The following IBA57 variants were observed in gnomAD, a reference collection of about 807,000 sequenced individuals.
IBA57 encodes the protein iron-sulfur cluster assembly factor IBA57.
Under a neutral mutation model 20.4 loss-of-function variants are expected in IBA57, and 20 were observed. That is an observed-to-expected ratio of 0.98 (90% CI 0.69 to 1.42). IBA57 has a LOEUF of 1.42. IBA57 is among the 40% of genes most tolerant of loss of function. The pLI is 0.00. For synonymous variants in IBA57, 310 were observed against 233.9 expected, an observed-to-expected ratio of 1.33 and a Z score of -2.97; for missense variants, 608 against 499.3, an observed-to-expected ratio of 1.22 and a Z score of -2.07.
In IBA57 at chr1:228,166,170, TG is replaced by T; in HGVS notation, c.341+16del. On this transcript the variant is annotated intron_variant, in intron 1 of 2. Transcript: ENST00000366711. ...TCATCTTGTACGGGTGAGCGCGTGC[TG>T]GGAGGGCGCTCGGGGGCGGGCACCC... The T allele has an allele frequency of 7.3e-7, 1 of 1,374,734 alleles. No individual in the cohort carries two copies. 85.2% of individuals were successfully genotyped at this position (1,374,734 alleles called of 1,614,324 possible).
At position 228,175,190 on chromosome 1, in the gene IBA57, A is replaced by G. The variant is rs370640121; in HGVS notation, c.748A>G (p.Met250Val). ...ALPLESNLAF[M>V]NGVSFTKGCY... ...GCCCCTGGAGTCCAACCTGGCCTTC[A>G]TGAACGGCGTGAGCTTCACCAAAGG... Residue 250 changes from methionine (M) to valine (V), a missense_variant, in exon 3 of 3, where the codon ATG becomes GTG. Physicochemically the swap from Met to Val is conservative, Grantham distance 21. Transcript: ENST00000366711. The G allele has an allele frequency of 6.0e-5, 97 of 1,612,622 alleles. No homozygotes were observed. Among genetic ancestry groups the G allele is most frequent in the Non-Finnish European group, 7.9e-5 (93 of 1,179,928 alleles).
intron 1 of IBA57, chr1:228,172,559 C>G (rs2124975041): frequency 6.6e-6 from 1 of 152,430 alleles, no homozygotes; most frequent in South Asian, 2.1e-4. Flanking sequence ...CACCTTGATT[C>G]TCCCTTTCTG....
intron 1 of IBA57, among the ~76,000 whole-genome samples, chr1:228,168,310 A>G (rs1364483194): frequency 6.6e-6 from 1 of 152,230 alleles, no homozygotes; most frequent in Non-Finnish European, 1.5e-5. Flanking sequence ...CATAAAACAT[A>G]AAAAATATGT....
In IBA57 at chr1:228,176,691, G is replaced by C. The variant is rs2035028252; in HGVS notation, c.*1178G>C. ...GGCCACAGAGGGCCAAGCAGGCAGG[G>C]AGCCTGTGCCGCCATCCTGGGGGGC... On this transcript the variant is annotated 3_prime_UTR_variant, in exon 3 of 3. Coordinates refer to ENST00000366711, the MANE Select transcript of IBA57 (RefSeq NM_001010867.4). 2.0e-5 allele frequency: 3 copies of C among 152,380 alleles called. No homozygotes were observed. The highest frequency in any genetic ancestry group is 2.0e-4 in the Admixed American group (3 of 15,292). 9.4% of individuals were successfully genotyped at this position (152,380 alleles called of 1,614,324 possible).
intron 1 of IBA57, among the ~76,000 whole-genome samples, chr1:228,167,643 C>A (rs1170452759): frequency 6.6e-6 from 1 of 152,198 alleles, no homozygotes; most frequent in East Asian, 1.9e-4. Flanking sequence ...AGGTGTGAGC[C>A]ACTGTGCCCG....
At position 228,165,874 on chromosome 1, in the gene IBA57, C is replaced by A; in HGVS notation, c.58C>A (p.Arg20Ser). The change falls in exon 1 of 3, where the codon CGC (arginine) becomes AGC (serine). Residue 20 changes from arginine to serine, a missense_variant. By Grantham distance (110) the Arg-to-Ser change is moderately radical. Transcript: ENST00000366711. ...TCCGGGGCGCGGCGGCCCGGTCTGG[C>A]GCTGGCGGCTGCGCGCGGCCCCAAG... ...ATPGRGGPVW[R>S]WRLRAAPRCR... 1 of 1,334,308 alleles carries A rather than the reference C, an allele frequency of 7.5e-7. No homozygotes were observed. Among genetic ancestry groups the A allele is most frequent in the Admixed American group, 4.0e-5 (1 of 24,972 alleles). 82.7% of individuals were successfully genotyped at this position (1,334,308 alleles called of 1,614,324 possible). A position where few individuals can be genotyped will look rare whatever the true frequency, so the allele number is the denominator to read the frequency against.
At position 228,169,385 on chromosome 1, in the gene IBA57, C is replaced by G. The variant is rs141421455; in HGVS notation, c.341+3228C>G. On this transcript the variant is annotated intron_variant, in intron 1 of 2. Transcript: ENST00000366711. ...ATGTAGCACCTTCTTTCAGATGAAA[C>G]TATAGTTATTTGGTTGTTGTCTTTT... Among the ~76,000 whole-genome samples, 4 of 152,262 alleles carry G rather than the reference C, an allele frequency of 2.6e-5. No homozygotes were observed. In the East Asian group the frequency reaches 7.7e-4, roughly 29 times the overall value.
chr1:228,181,628 C>CT lies in IBA57; in HGVS notation c.*6116dup, dbSNP rs1383252506. The CT allele has an allele frequency of 6.6e-6, 1 of 152,250 alleles. No individual in the cohort carries two copies. The highest frequency in any genetic ancestry group is 1.5e-5 in the Non-Finnish European group (1 of 68,062). 9.4% of individuals were successfully genotyped at this position (152,250 alleles called of 1,614,324 possible). ...ATTTTCCTGTCTTTCTGGTAAGCCC[C>CT]TGGGGTGGAGCTCTGGGCCACAGGG... On this transcript the variant is annotated 3_prime_UTR_variant, in exon 3 of 3. Transcript: ENST00000366711.
chr1:228,175,447 C>T lies in IBA57; in HGVS notation c.1005C>T (p.Ala335=), dbSNP rs1315251296. 4 of 1,608,536 alleles carry T rather than the reference C, an allele frequency of 2.5e-6. No individual in the cohort carries two copies. The highest frequency in any genetic ancestry group is 2.2e-5 in the South Asian group (2 of 90,796). The change falls in exon 3 of 3, where the codon GCC becomes GCT. Residue 335 remains alanine (A), a synonymous_variant. Transcript: ENST00000366711. ...TCAAGGGTCCTCTGCACATCAGAGCCTCTGAGGGTGCCCAGGTGGCCTTAG... is the reference window on the plus strand; with the variant it reads ...TCAAGGGTCCTCTGCACATCAGAGCTTCTGAGGGTGCCCAGGTGGCCTTAG... ...EKIKGPLHIR[A]SEGAQVALAA...
intron 1 of IBA57, 37 bp downstream of exon 1, chr1:228,166,194 C>T (rs1359596311): frequency 7.2e-7 from 1 of 1,386,288 alleles, no homozygotes; most frequent in Non-Finnish European, 9.4e-7. Context: ...GGGGCGGGCA[C>T]CCAGGGGAGT....
intron 1 of IBA57, chr1:228,171,034 A>G (rs1337754685): frequency 6.6e-6 from 1 of 152,206 alleles, no homozygotes; most frequent in East Asian, 1.9e-4. Flanking sequence ...AGCACAGGAC[A>G]CCCAGGTCCG....
intron 1 of IBA57, among the ~76,000 whole-genome samples, chr1:228,174,043 C>T (rs2034964225): frequency 6.6e-6 from 1 of 152,212 alleles, no homozygotes; most frequent in Non-Finnish European, 1.5e-5. Flanking sequence ...GGGCGCGGCA[C>T]TCTGCGCTGG....
intron 1 of IBA57, among the ~76,000 whole-genome samples, chr1:228,166,587 G>C (rs780761060): frequency 2.0e-5 from 3 of 152,246 alleles, no homozygotes; most frequent in Admixed American, 6.5e-5. Context: ...GGCCCCGCCT[G>C]GTGGCAGAGC....
intron 1 of IBA57, among the ~76,000 whole-genome samples, chr1:228,169,280 G>A (rs1571915164): frequency 6.6e-6 from 1 of 152,064 alleles, no homozygotes; most frequent in East Asian, 1.9e-4. Flanking sequence ...CTGACTGTAG[G>A]ATTTTTTATT....
intron 1 of IBA57, 59 bp downstream of exon 1, chr1:228,166,216 G>A: frequency 7.7e-7 from 1 of 1,300,072 alleles, no homozygotes; most frequent in Admixed American, 3.6e-5. Flanking sequence ...GCCAGGGACC[G>A]GCACCCAGGG....
chr1:228,175,065 C>T (rs746383988), intron 2 of IBA57, 36 bp downstream of exon 2: 4 of 1,573,502 alleles, frequency 2.5e-6, no homozygotes, highest in Admixed American at 3.5e-5. Context: ...CTGGATTGCA[C>T]GGGTGGAGCT....
chr1:228,171,992 A>G (rs974808583), intron 1 of IBA57: 3 of 152,200 alleles, frequency 2.0e-5, no homozygotes, highest in African/African-American at 7.2e-5. Context: ...CGCTGATGTC[A>G]GATGGCTGGG....
chr1:228,174,194 T>G (rs1260432788), intron 1 of IBA57, among the ~76,000 whole-genome samples: 6 of 48,138 alleles, frequency 1.2e-4, no homozygotes, highest in East Asian at 5.9e-4. Flanking sequence ...CGTGGCTCGC[T>G]GTGGGCGTGG....
Position 228,175,728 on chromosome 1 carries a change from G to A in IBA57, c.*215G>A. ...GTTGTTTTCTCCCTGGACTTCCTGT[G>A]GCCCCAGAGGAGCCCACCGTGTGAG... On this transcript the variant is annotated 3_prime_UTR_variant, in exon 3 of 3. Coordinates refer to ENST00000366711, the MANE Select transcript of IBA57 (RefSeq NM_001010867.4). 1 of 514,140 alleles carries A rather than the reference G, an allele frequency of 1.9e-6. No homozygotes were observed. The highest frequency in any genetic ancestry group is 3.3e-5 in the East Asian group (1 of 30,518). The allele number at this position is 514,140 out of a possible 1,614,324, so 31.8% of individuals were successfully genotyped here. A position where few individuals can be genotyped will look rare whatever the true frequency, so the allele number is the denominator to read the frequency against.
Sources: allele counts gnomAD v4.1 joint callset (sites outside exome capture counted in the v4.1 genomes callset), GRCh38; gene constraint gnomAD v4.1.1; transcripts MANE v1.5; gene names NCBI Gene and HGNC (gene_info 2026-07-23, HGNC 2026-07-21).